The following XRCC4 variants were observed in gnomAD, a reference collection of about 807,000 sequenced individuals.
XRCC4 encodes DNA repair protein XRCC4.
A neutral mutation model predicts 39.1 loss-of-function variants in XRCC4; 28 were observed. That is an observed-to-expected ratio of 0.72 (90% CI 0.53 to 0.98). XRCC4 has a LOEUF of 0.98. XRCC4 is among the 50% of genes least tolerant of loss of function. XRCC4 has a pLI of 0.00. For synonymous variants in XRCC4, 123 were observed against 126.4 expected, an observed-to-expected ratio of 0.97 and a Z score of 0.18; for missense variants, 350 against 376.4, an observed-to-expected ratio of 0.93 and a Z score of 0.58.
At chr5:83,143,128 G>C (rs1028692471) in intron 3 of XRCC4, among the ~76,000 whole-genome samples, 4 of 152,122 alleles carry the variant, frequency 2.6e-5, no homozygotes, top group Non-Finnish European at 4.4e-5. Context: ...TATGGAATAA[G>C]TGTGATTATT....
chr5:83,343,463 C>T (rs1756823479), intron 7 of XRCC4, among the ~76,000 whole-genome samples: 1 of 152,106 alleles, frequency 6.6e-6, no homozygotes, highest in Non-Finnish European at 1.5e-5. Context: ...GGCTATTCTT[C>T]TCAACTCCAG....
At chr5:83,304,730 T>C (rs910236244) in intron 7 of XRCC4, among the ~76,000 whole-genome samples, 8 of 22,562 alleles carry the variant, frequency 3.5e-4, no homozygotes, top group African/African-American at 5.5e-4. Flanking sequence ...ATGTTATTGA[T>C]TTTTTCATAA....
intron 7 of XRCC4, among the ~76,000 whole-genome samples, chr5:83,289,268 G>A (rs1302576318): frequency 6.6e-6 from 1 of 151,824 alleles, no homozygotes; most frequent in Non-Finnish European, 1.5e-5. Context: ...TTTGAGTATG[G>A]TTTTGATGCT....
At chr5:83,344,521 C>T (rs1013012845) in intron 7 of XRCC4, among the ~76,000 whole-genome samples, 2 of 150,924 alleles carry the variant, frequency 1.3e-5, no homozygotes, top group Admixed American at 6.6e-5. Context: ...CCTCCCGCCT[C>T]AGCCTCCCAA....
intron 7 of XRCC4, among the ~76,000 whole-genome samples, chr5:83,329,434 C>T (rs1324430333): frequency 6.6e-6 from 1 of 152,026 alleles, no homozygotes; most frequent in East Asian, 1.9e-4. Context: ...GCCAAGAAAA[C>T]AATAGTAAAA....
At chr5:83,315,880 G>C (rs1163987318) in intron 7 of XRCC4, among the ~76,000 whole-genome samples, 1 of 152,128 alleles carries the variant, frequency 6.6e-6, no homozygotes, top group African/African-American at 2.4e-5. Context: ...ATAGATGAAT[G>C]AGTAATTTTG....
chr5:83,131,872 C>T (rs1048498904), intron 3 of XRCC4, among the ~76,000 whole-genome samples: 1 of 152,088 alleles, frequency 6.6e-6, no homozygotes, highest in African/African-American at 2.4e-5. Context: ...AGCATTTAGC[C>T]CATTTACATT....
intron 3 of XRCC4, among the ~76,000 whole-genome samples, chr5:83,186,742 A>G (rs1750455490): frequency 6.6e-6 from 1 of 152,218 alleles, no homozygotes; most frequent in Non-Finnish European, 1.5e-5. Context: ...TTAGTGCCTC[A>G]AAACAACATA....
chr5:83,362,560 A>C, the XRCC4 span, among the ~76,000 whole-genome samples: 1 of 152,278 alleles, frequency 6.6e-6, no homozygotes, highest in African/African-American at 2.4e-5. Context: ...GCATTTGAGT[A>C]AAAGAAGAAA....
intron 6 of XRCC4, among the ~76,000 whole-genome samples, chr5:83,216,794 T>C (rs1457027056): frequency 1.3e-5 from 2 of 152,112 alleles, no homozygotes; most frequent in African/African-American, 4.8e-5. Context: ...ACCGATTAAA[T>C]GTTTGCTAAA....
At chr5:83,259,920 GA>G (rs1478345482) in intron 7 of XRCC4, among the ~76,000 whole-genome samples, 3 of 152,058 alleles carry the variant, frequency 2.0e-5, no homozygotes, top group African/African-American at 7.2e-5. Flanking sequence ...ATGCCATCAG[GA>G]AACTGGCAGC....
At chr5:83,230,168 G>A (rs1752446594) in intron 6 of XRCC4, among the ~76,000 whole-genome samples, 1 of 151,864 alleles carries the variant, frequency 6.6e-6, no homozygotes, top group Non-Finnish European at 1.5e-5. Context: ...AATTTTAATG[G>A]TTTCAAGTTA....
intron 3 of XRCC4, among the ~76,000 whole-genome samples, chr5:83,161,465 TAA>T (rs1191302100): frequency 6.6e-6 from 1 of 152,162 alleles, no homozygotes; most frequent in Admixed American, 6.5e-5. Flanking sequence ...AATCTAAATA[TAA>T]GTCATCTTTA....
intron 1 of XRCC4, among the ~76,000 whole-genome samples, chr5:83,079,668 G>A (rs1425678405): frequency 6.6e-6 from 1 of 151,992 alleles, no homozygotes; most frequent in East Asian, 1.9e-4. Flanking sequence ...CAGTAACCGG[G>A]ACCATGGTTG....
intron 7 of XRCC4, among the ~76,000 whole-genome samples, chr5:83,304,545 T>C (rs898597280): frequency 6.6e-6 from 1 of 152,232 alleles, no homozygotes; most frequent in Non-Finnish European, 1.5e-5. Context: ...GGGTATTTTA[T>C]TGATGTATAG....
chr5:83,334,975 A>C (rs903164991), intron 7 of XRCC4, among the ~76,000 whole-genome samples: 1 of 152,068 alleles, frequency 6.6e-6, no homozygotes, highest in Non-Finnish European at 1.5e-5. Context: ...TATTTATTTG[A>C]TTATGATTCA....
chr5:83,322,459 C>T (rs950843456), intron 7 of XRCC4, among the ~76,000 whole-genome samples: 1 of 152,118 alleles, frequency 6.6e-6, no homozygotes, highest in South Asian at 2.1e-4. Context: ...AACTTTCCCT[C>T]ACTGGGTGTG....
chr5:83,190,916 C>A (rs1283079386), intron 3 of XRCC4, among the ~76,000 whole-genome samples: 5 of 152,122 alleles, frequency 3.3e-5, no homozygotes, highest in African/African-American at 1.2e-4. Context: ...CAATAAATAA[C>A]CCTGTCATGT....
At chr5:83,242,594 G>A (rs1200700457) in intron 6 of XRCC4, among the ~76,000 whole-genome samples, 2 of 151,970 alleles carry the variant, frequency 1.3e-5, no homozygotes, top group African/African-American at 4.8e-5. Context: ...GTCTACAGGT[G>A]TGCGCCACTA....
Sources: gnomAD v4.1 joint callset for allele counts (sites outside exome capture counted in the v4.1 genomes callset) on GRCh38, gnomAD v4.1.1 for gene constraint, MANE v1.5 for transcripts, NCBI Gene and HGNC (gene_info 2026-07-23, HGNC 2026-07-21) for gene names.